RIMBP2: variants seen among roughly 807,000 people sequenced by gnomAD.
RIMBP2 encodes RIMS binding protein 2.
Under a neutral mutation model 118.6 loss-of-function variants are expected in RIMBP2, and 48 were observed. The observed-to-expected ratio is 0.40, with a 90% confidence interval of 0.32 to 0.51. RIMBP2 has a LOEUF of 0.51. Among genes scored for constraint, RIMBP2 ranks in the 20% least tolerant of loss-of-function variants. RIMBP2 has a pLI of 0.41. For synonymous variants in RIMBP2, 762 were observed against 742.9 expected, an observed-to-expected ratio of 1.03 and a Z score of -0.42; for missense variants, 1,551 against 1,768.3, an observed-to-expected ratio of 0.88 and a Z score of 2.20.
chr12:130,675,719 C>T (rs917369450), intron 1 of RIMBP2, among the ~76,000 whole-genome samples: 5 of 152,116 alleles, frequency 3.3e-5, no homozygotes, highest in Admixed American at 1.3e-4. Flanking sequence ...TACAGCACTC[C>T]GATATAAAGT....
intron 1 of RIMBP2, among the ~76,000 whole-genome samples, chr12:130,678,891 A>T (rs1452199932): frequency 1.3e-5 from 2 of 152,202 alleles, no homozygotes; most frequent in Admixed American, 6.5e-5. Flanking sequence ...ACCCATAGTC[A>T]GCGGGGGCTT....
chr12:130,543,466 G>A (rs1593730678), intron 2 of RIMBP2, among the ~76,000 whole-genome samples: 3 of 152,156 alleles, frequency 2.0e-5, no homozygotes, highest in South Asian at 2.1e-4. Flanking sequence ...CAACCGTATT[G>A]CTGCAGAAAA....
At chr12:130,642,638 C>T (rs569727217) in intron 1 of RIMBP2, among the ~76,000 whole-genome samples, 4 of 152,232 alleles carry the variant, frequency 2.6e-5, no homozygotes, top group African/African-American at 9.6e-5. Context: ...ACCTTTATTA[C>T]TTCGACAACC....
At position 130,450,124 on chromosome 12, in the gene RIMBP2, CCA is replaced by C. The variant is rs768074576; in HGVS notation, c.581+74_581+75del. ...CTGGGAGAAGGGAACTTCTCAGACC[CCA>C]GAGTGTTCCCAGACCCAACATCTCA... On this transcript the variant is annotated intron_variant, in intron 9 of 22. Coordinates refer to ENST00000690449, the MANE Select transcript of RIMBP2 (RefSeq NM_001393629.1). This position sits in a 1 kb window ranked among gnomAD's most constrained non-coding sequence, Gnocchi z 4.8. 1.0e-6 allele frequency: 1 copy of C among 952,878 alleles called. No homozygotes were observed. The highest frequency in any genetic ancestry group is 1.6e-6 in the Non-Finnish European group (1 of 606,838). The allele number at this position is 952,878 out of a possible 1,614,324, so 59.0% of individuals were successfully genotyped here.
At chr12:130,444,369 G>A (rs1433718815) in intron 10 of RIMBP2, among the ~76,000 whole-genome samples, 1 of 152,114 alleles carries the variant, frequency 6.6e-6, no homozygotes, top group Non-Finnish European at 1.5e-5. Flanking sequence ...CCCAGGAAAA[G>A]CACCTGGGGC....
chr12:130,579,878 A>AT (rs755152759), intron 2 of RIMBP2, among the ~76,000 whole-genome samples: 18 of 152,104 alleles, frequency 1.2e-4, no homozygotes, highest in Non-Finnish European at 2.4e-4. Context: ...CCATCACTTA[A>AT]TAAAGACCAG....
At chr12:130,626,228 G>A (rs1034892461) in intron 2 of RIMBP2, among the ~76,000 whole-genome samples, 2 of 152,178 alleles carry the variant, frequency 1.3e-5, no homozygotes, top group South Asian at 4.1e-4. Context: ...TATGGAAAAT[G>A]AATGCATAAA....
intron 1 of RIMBP2, among the ~76,000 whole-genome samples, chr12:130,667,128 AAGGAGAGAGGGAGGGAAGGG>A (rs148400734): frequency 0.028 from 1,586 of 55,752 alleles, 30 homozygotes; most frequent in East Asian, 0.11. Context: ...GGAGGGAAGG[AAGGAGAGAGGGAGGGAAGGG>A]AGGAAGGGAG....
intron 1 of RIMBP2, among the ~76,000 whole-genome samples, chr12:130,697,794 C>A (rs973083333): frequency 6.6e-6 from 1 of 152,090 alleles, no homozygotes; most frequent in Non-Finnish European, 1.5e-5. Context: ...TGCACTCCAG[C>A]CTGGGCCACA....
At chr12:130,577,638 A>G (rs2058178628) in intron 2 of RIMBP2, among the ~76,000 whole-genome samples, 1 of 152,178 alleles carries the variant, frequency 6.6e-6, no homozygotes, top group African/African-American at 2.4e-5. Context: ...ACTCGTGGGG[A>G]TTACAATTCA....
rs2058064600 is a variant in RIMBP2 at position 130,576,093 on chromosome 12, G to C, written c.-217+52229C>G. Among the ~76,000 whole-genome samples the C allele has an allele frequency of 6.6e-6, 1 of 152,046 alleles. No individual in the cohort carries two copies. Among genetic ancestry groups the C allele is most frequent in the Non-Finnish European group, 1.5e-5 (1 of 68,012 alleles). ...AACTGTGTACTCTGCAGGGAGGCTG[G>C]TGCGGGGGGACCGTTAGGCAAAGGG... On this transcript the variant is annotated intron_variant, in intron 2 of 22. Transcript: ENST00000690449. The surrounding 1 kb of genome is among the most constrained non-coding windows in gnomAD (Gnocchi z 4.2).
rs183680947 is a variant in RIMBP2 at position 130,494,493 on chromosome 12, G to T, written c.-4+12155C>A. ...GTCTCTACTCAAAATACAAAAATTA[G>T]CCAGGCATGGTGGCAGGCACCTGTA... On this transcript the variant is annotated intron_variant, in intron 4 of 22. Transcript: ENST00000690449. Among the ~76,000 whole-genome samples, 20 of 152,182 alleles carry T rather than the reference G, an allele frequency of 1.3e-4. No homozygotes were observed. The East Asian group carries it at 2.9e-3, about 22-fold the overall frequency.
At chr12:130,568,585 G>A (rs1023508976) in intron 2 of RIMBP2, among the ~76,000 whole-genome samples, 9 of 152,178 alleles carry the variant, frequency 5.9e-5, no homozygotes, top group East Asian at 3.9e-4. Flanking sequence ...AAGCTCTGCC[G>A]CTCAGGAGAC....
chr12:130,463,095 A>G (rs1403642744), intron 6 of RIMBP2, among the ~76,000 whole-genome samples: 1 of 152,186 alleles, frequency 6.6e-6, no homozygotes, highest in Non-Finnish European at 1.5e-5. Context: ...CCAATTGCCT[A>G]TGGGGAGGAA....
chr12:130,682,430 C>G (rs779526868), intron 1 of RIMBP2, among the ~76,000 whole-genome samples: 4 of 152,214 alleles, frequency 2.6e-5, no homozygotes, highest in Non-Finnish European at 4.4e-5. Context: ...GTGCTGAGCC[C>G]CCAGAGTTCC....
At chr12:130,690,255 G>T (rs895745439) in intron 1 of RIMBP2, among the ~76,000 whole-genome samples, 3 of 152,152 alleles carry the variant, frequency 2.0e-5, no homozygotes, top group African/African-American at 4.8e-5. Flanking sequence ...TGCCCTGGGG[G>T]TGGGGATCAT....
chr12:130,612,649 A>T (rs1247465845), intron 2 of RIMBP2, among the ~76,000 whole-genome samples: 2 of 152,240 alleles, frequency 1.3e-5, no homozygotes, highest in South Asian at 4.1e-4. Context: ...CAGAGGAAAC[A>T]GTGTAAATGC....
chr12:130,480,103 A>G (rs1453380951), intron 4 of RIMBP2, among the ~76,000 whole-genome samples: 1 of 151,982 alleles, frequency 6.6e-6, no homozygotes, highest in Non-Finnish European at 1.5e-5. Flanking sequence ...CACTGGGAAC[A>G]GTCACAGAAA....
At chr12:130,693,417 G>A (rs1177101410) in intron 1 of RIMBP2, among the ~76,000 whole-genome samples, 4 of 152,278 alleles carry the variant, frequency 2.6e-5, no homozygotes, top group Non-Finnish European at 5.9e-5. Context: ...CTTGAGGATT[G>A]TTAGGGCAAG....
Sources: allele counts gnomAD v4.1 joint callset (sites outside exome capture counted in the v4.1 genomes callset), GRCh38; gene constraint gnomAD v4.1.1; non-coding constraint Gnocchi (gnomAD v3.1); transcripts MANE v1.5; gene names NCBI Gene and HGNC (gene_info 2026-07-23, HGNC 2026-07-21).